The following SRRM2 variants were observed in gnomAD, a reference collection of about 807,000 sequenced individuals.
The protein encoded by SRRM2 is serine/arginine repetitive matrix 2.
SRRM2 carries 30 observed loss-of-function variants against 213.8 expected under a neutral mutation model. The observed-to-expected ratio is 0.14, with a 90% CI of 0.10 to 0.19. The LOEUF (loss-of-function observed/expected upper bound fraction) is 0.19, where lower values mean the gene tolerates loss of function less well. SRRM2 is among the 10% of genes least tolerant of loss of function. The pLI is 1.00. For missense variants in SRRM2, 4,904 were observed against 3,647.0 expected, an observed-to-expected ratio of 1.34 and a Z score of -8.88; for synonymous variants, 2,025 against 1,377.7, an observed-to-expected ratio of 1.47 and a Z score of -10.40.
In SRRM2 at chr16:2,767,157, A is replaced by G. The variant is rs775186674; in HGVS notation, c.6629A>G (p.Gln2210Arg). The G allele has an allele frequency of 1.2e-6, 2 of 1,614,190 alleles. No individual in the cohort carries two copies. The highest frequency in any genetic ancestry group is 8.5e-7 in the Non-Finnish European group (1 of 1,180,032). Residue 2210 changes from glutamine (Q) to arginine (R), a missense_variant, in exon 11 of 15, where the codon CAG becomes CGG. By Grantham distance (43) the Gln-to-Arg change is conservative. Transcript: ENST00000301740. ...GCTGGCCTTGCTGCAAGAATGTCCC[A>G]GGTTCCAGCCCCGGTGCCTCTCATG... ...SAAGLAARMS[Q>R]VPAPVPLMSL...
intron 1 of SRRM2, chr16:2,753,779 C>T (rs1169929581): frequency 6.6e-6 from 1 of 152,170 alleles, no homozygotes; most frequent in Non-Finnish European, 1.5e-5. Context: ...GCTTAGGGCT[C>T]TTCTAAAGCT....
chr16:2,770,653 T>G lies in SRRM2; in HGVS notation c.8185T>G (p.Ser2729Ala), dbSNP rs756770913. 1 of 1,551,478 alleles carries G rather than the reference T, an allele frequency of 6.4e-7. No homozygotes were observed. The highest frequency in any genetic ancestry group is 1.4e-5 in the African/African-American group (1 of 73,102). The change falls in exon 14 of 15, where the codon TCC becomes GCC. Residue 2729 changes from serine to alanine, a missense_variant. Transcript: ENST00000301740. ...SRRGQRGDSR[S>A]PSHKRRRETP... ...GAGAGGCCAGCGTGGGGACAGCCGC[T>G]CCCCCAGCCACAAGCGCAGGAGGGA... is the stretch of plus-strand genomic sequence containing the variant.
intron 1 of SRRM2, among the ~76,000 whole-genome samples, chr16:2,754,832 C>T (rs1401939829): frequency 1.3e-5 from 2 of 152,096 alleles, no homozygotes; most frequent in African/African-American, 2.4e-5. Context: ...TACAGTTTTT[C>T]ATTTTTTCCT....
chr16:2,763,803 C>CTTT lies in SRRM2; in HGVS notation c.3275_3276insTTT (p.Thr1092_Ser1093insLeu), dbSNP rs757290693. 9 of 1,614,222 alleles carry CTTT rather than the reference C, an allele frequency of 5.6e-6. No individual in the cohort carries two copies. In the East Asian group the frequency reaches 1.8e-4, roughly 32 times the overall value. On this transcript the variant is annotated inframe_insertion, in exon 11 of 15. Transcript: ENST00000301740. ...CCATCTCTGCAGAGCAAATCTCAAA[C>CTTT]ATCACCTAAGGGAGGTCGGTCCAGG...
chr16:2,760,253 T>G, intron 9 of SRRM2, 48 bp from the exon 10 acceptor site: 1 of 1,576,618 alleles, frequency 6.3e-7, no homozygotes, highest in Non-Finnish European at 8.6e-7. Context: ...CTGTTCTCCC[T>G]TTGAGCTGAT....
rs1358889657 is a variant in SRRM2 at position 2,767,478 on chromosome 16, C to A, written c.6950C>A (p.Pro2317Gln). 4 of 1,614,070 alleles carry A rather than the reference C, an allele frequency of 2.5e-6. No individual in the cohort carries two copies. In the African/African-American group the frequency reaches 4.0e-5, roughly 16 times the overall value. ...AALSLTGSGTPPTAANYPSSS... is the reference protein window; with the variant it reads ...AALSLTGSGTQPTAANYPSSS... Reference sequence around the variant, plus strand: ...CTGAGTCTCACAGGCTCTGGCACACCACCAACTGCTGCAAACTATCCCTCC... The same window carrying A: ...CTGAGTCTCACAGGCTCTGGCACACAACCAACTGCTGCAAACTATCCCTCC... The change falls in exon 11 of 15, where the codon CCA (proline) becomes CAA (glutamine). Residue 2317 changes from proline to glutamine, a missense_variant. Coordinates refer to ENST00000301740, the MANE Select transcript of SRRM2 (RefSeq NM_016333.4).
intron 10 of SRRM2, chr16:2,760,951 T>C (rs2068323106): frequency 6.2e-6 from 1 of 161,402 alleles, no homozygotes. Context: ...CCTCTTGCTT[T>C]AGTGATTACA....
chr16:2,760,347 C>T lies in SRRM2; in HGVS notation c.880C>T (p.Arg294Ter). 6.2e-7 allele frequency: 1 copy of T among 1,613,990 alleles called. No individual in the cohort carries two copies. The change falls in exon 10 of 15, where the codon CGA becomes TGA. Residue 294 changes from arginine to a stop codon, truncating the protein, a stop_gained. Transcript: ENST00000301740. LOFTEE classifies it high-confidence loss of function. ...AKTHTTALAGRSPSPASGRRG... is the reference protein window; with the variant it reads ...AKTHTTALAG ...AACTCATACAACTGCCTTGGCTGGGCGAAGTCCTTCCCCTGCTTCAGGGCG... is the reference window on the plus strand; with the variant it reads ...AACTCATACAACTGCCTTGGCTGGGTGAAGTCCTTCCCCTGCTTCAGGGCG...
intron 5 of SRRM2, 189 bp from the exon 6 acceptor site, chr16:2,758,796 G>A: frequency 1.4e-6 from 1 of 719,244 alleles, no homozygotes; most frequent in Non-Finnish European, 2.3e-6. Flanking sequence ...TTCATTTTGA[G>A]GTTTGTTGAC....
At chr16:2,770,573 CCT>C in intron 13 of SRRM2, 29 bp from the exon 14 acceptor site, 1 of 1,551,564 alleles carries the variant, frequency 6.4e-7, no homozygotes, top group Non-Finnish European at 8.7e-7. Context: ...GTGGTGCCAC[CCT>C]GTGGCCTGAT....
intron 12 of SRRM2, 87 bp downstream of exon 12, chr16:2,769,371 G>C (rs953108942): frequency 7.0e-7 from 1 of 1,438,754 alleles, no homozygotes; most frequent in African/African-American, 1.4e-5. Flanking sequence ...TCCCCGCTGG[G>C]TGTCTCACGT....
chr16:2,759,206 G>C (rs1385119716), intron 7 of SRRM2, 34 bp downstream of exon 7: 1 of 1,610,876 alleles, frequency 6.2e-7, no homozygotes, highest in Non-Finnish European at 8.5e-7. Context: ...GGGCGCAGTG[G>C]CATGTGGAGT....
At position 2,767,599 on chromosome 16, in the gene SRRM2, C is replaced by T. The variant is rs768782629; in HGVS notation, c.7071C>T (p.Thr2357=). The part of the protein sequence containing the change: ...TAPVNIAGSR[T]AAALAPASLT... ...CTGTGAATATTGCCGGCTCCAGAAC[C>T]GCCGCAGCCTTGGCCCCCGCGAGCC... The change falls in exon 11 of 15, where the codon ACC becomes ACT. Residue 2357 remains threonine, a synonymous_variant. Coordinates refer to ENST00000301740, the MANE Select transcript of SRRM2 (RefSeq NM_016333.4). The T allele has an allele frequency of 3.3e-5, 54 of 1,614,076 alleles. 1 individual carries two copies. The East Asian group carries it at 4.2e-4, about 13-fold the overall frequency.
chr16:2,752,854 G>A lies in SRRM2; in HGVS notation c.-32+8G>A, dbSNP rs760165693. 3.7e-4 allele frequency: 89 copies of A among 238,262 alleles called. 2 individuals are homozygous for A. Among genetic ancestry groups the A allele is most frequent in the South Asian group, 3.1e-3 (86 of 27,686 alleles). The allele number at this position is 238,262 out of a possible 1,614,324, so 14.8% of individuals were successfully genotyped here. ...GGCGGGCGGAGGCGGCGGGTGAGAG[G>A]GTGAGGGAGCCAGCGAGCCGGGTGG... On this transcript the variant is annotated splice_region_variant and intron_variant, in intron 1 of 14. Transcript: ENST00000301740.
chr16:2,761,420 G>T, intron 10 of SRRM2, 141 bp from the exon 11 acceptor site: 1 of 605,562 alleles, frequency 1.7e-6, no homozygotes, highest in Non-Finnish European at 2.7e-6. Flanking sequence ...ATGATTCCTT[G>T]TTATTGAATG....
chr16:2,755,160 A>T (rs2068097157), intron 1 of SRRM2, among the ~76,000 whole-genome samples: 2 of 152,228 alleles, frequency 1.3e-5, no homozygotes, highest in South Asian at 4.1e-4. Flanking sequence ...AGTATATGTA[A>T]TAGGAGAAAG....
chr16:2,757,751 C>T (rs780533784), intron 3 of SRRM2, 30 bp from the exon 4 acceptor site: 16 of 1,610,370 alleles, frequency 9.9e-6, no homozygotes, highest in Non-Finnish European at 1.4e-5. Flanking sequence ...CTTTATATTT[C>T]CTTCAGACTT....
Position 2,756,469 on chromosome 16 carries a change from C to CT in SRRM2, c.106dup (p.Tyr36LeufsTer19), listed in dbSNP as rs1290684343. The CT allele has an allele frequency of 1.2e-6, 2 of 1,613,750 alleles. No homozygotes were observed. Among genetic ancestry groups the CT allele is most frequent in the Non-Finnish European group, 8.5e-7 (1 of 1,179,870 alleles). ...GGGGCCGCCGGGGTGAGCGGCCTGA[C>CT]TACAAGGGAGAGGAGGAACTGCGGC... is the stretch of plus-strand genomic sequence containing the variant. On this transcript the variant is annotated frameshift_variant, in exon 2 of 15. Coordinates refer to ENST00000301740, the MANE Select transcript of SRRM2 (RefSeq NM_016333.4). LOFTEE classifies it high-confidence loss of function.
At chr16:2,757,633 G>A in intron 3 of SRRM2, 54 bp downstream of exon 3, 2 of 1,586,238 alleles carry the variant, frequency 1.3e-6, no homozygotes, top group Non-Finnish European at 1.7e-6. Flanking sequence ...GCTGCTGGCT[G>A]CTGCTGCTGT....
Sources: gnomAD v4.1 joint callset for allele counts (sites outside exome capture counted in the v4.1 genomes callset) on GRCh38, gnomAD v4.1.1 for gene constraint, MANE v1.5 for transcripts, NCBI Gene and HGNC (gene_info 2026-07-23, HGNC 2026-07-21) for gene names.